TPM3: variants seen among roughly 807,000 people sequenced by gnomAD.
The protein encoded by TPM3 is tropomyosin alpha-3 chain.
Under a neutral mutation model 43.1 loss-of-function variants are expected in TPM3, and 16 were observed. The observed-to-expected ratio is 0.37, with a 90% CI of 0.25 to 0.56. The LOEUF (loss-of-function observed/expected upper bound fraction) is 0.56. TPM3 is among the 20% of genes least tolerant of loss of function. TPM3 has a pLI of 0.77. For synonymous variants in TPM3, 101 were observed against 116.9 expected (o/e 0.86, Z 0.88); for missense variants, 176 against 337.2 (o/e 0.52, Z 3.74).
intron 2 of TPM3, among the ~76,000 whole-genome samples, chr1:154,182,421 G>A (rs971029067): frequency 6.6e-6 from 1 of 152,208 alleles, no homozygotes; most frequent in Non-Finnish European, 1.5e-5. Context: ...GGAGGGCACC[G>A]CGCTTCCTCT....
At chr1:154,155,620 T>C (rs531973259), downstream of TPM3, 29 of 234,862 alleles carry the variant, frequency 1.2e-4, no homozygotes, top group Middle Eastern at 1.3e-3. Flanking sequence ...TCTAAGCAAA[T>C]ACTCTTGAGA....
At chr1:154,155,963 C>G (rs1659764719), downstream of TPM3, 1 of 186,544 alleles carries the variant, frequency 5.4e-6, no homozygotes, top group East Asian at 8.7e-5. Flanking sequence ...GGTGCGGTGG[C>G]TCACGCCCGT....
At chr1:154,189,798 CAAAAAA>C (rs1167349462) in intron 2 of TPM3, among the ~76,000 whole-genome samples, 1 of 43,840 alleles carries the variant, frequency 2.3e-5, no homozygotes, top group Non-Finnish European at 5.2e-5. Flanking sequence ...AACCCTGTCT[CAAAAAA>C]AAAAAAAAAA....
At chr1:154,157,619 C>A, downstream of TPM3, 1 of 775,518 alleles carries the variant, frequency 1.3e-6, no homozygotes. Context: ...GGAGCAGCAG[C>A]AGGGTGGGAC....
intron 2 of TPM3, among the ~76,000 whole-genome samples, chr1:154,182,410 G>C (rs1167392902): frequency 1.3e-5 from 2 of 152,230 alleles, no homozygotes; most frequent in African/African-American, 4.8e-5. Context: ...CCTCCAGGGA[G>C]GGAGGGCACC....
At chr1:154,169,460 T>C in intron 8 of TPM3, 77 bp from the exon 9 acceptor site, 4 of 1,440,722 alleles carry the variant, frequency 2.8e-6, no homozygotes, top group Non-Finnish European at 3.9e-6. Flanking sequence ...AGAGAGGGAA[T>C]CATTAGAAAT....
rs1198590032 is a variant in TPM3 at position 154,170,387 on chromosome 1, C to A, written c.775+13G>T. On this transcript the variant is annotated intron_variant, in intron 8 of 9. Coordinates refer to ENST00000651641, the MANE Select transcript of TPM3 (RefSeq NM_152263.4). ...ATATTTCTCTATTTCAATCCCTACT[C>A]CAGGTTCCATACCTTCCAGGTCATC... is the stretch of plus-strand genomic sequence containing the variant. 3 of 1,613,886 alleles carry A rather than the reference C, an allele frequency of 1.9e-6. No individual in the cohort carries two copies. The African/African-American group carries it at 4.0e-5, about 22-fold the overall frequency.
downstream of TPM3, among the ~76,000 whole-genome samples, chr1:154,160,985 C>A (rs189158152): frequency 4.1e-4 from 62 of 152,102 alleles, no homozygotes; most frequent in African/African-American, 1.5e-3. Flanking sequence ...TCATAGTGCA[C>A]AACAGCCCTG....
In TPM3 at chr1:154,169,402, C is replaced by G. The variant is rs1446312132; in HGVS notation, c.776-19G>C. ...AGCTCATCTGGACAGGCACAGGAAC[C>G]ACAGGGAGGAATGAGGGGACAGAGT... is the stretch of plus-strand genomic sequence containing the variant. On this transcript the variant is annotated intron_variant, in intron 8 of 9. Transcript: ENST00000651641. The G allele has an allele frequency of 6.2e-7, 1 of 1,613,818 alleles. No individual in the cohort carries two copies. Among genetic ancestry groups the G allele is most frequent in the South Asian group, 1.1e-5 (1 of 91,080 alleles).
intron 2 of TPM3, among the ~76,000 whole-genome samples, chr1:154,178,400 T>C (rs968764809): frequency 1.3e-5 from 2 of 152,204 alleles, no homozygotes; most frequent in African/African-American, 4.8e-5. Flanking sequence ...GAACCTGAGA[T>C]GGGAGTCCTA....
rs991021337 is a variant in TPM3 at position 154,191,027 on chromosome 1, T to A, written c.243+159A>T. ...TCTTTAAGAAAGAAAATACATGCCA[T>A]TATGAGAATATACCAGCATGTGGTT... On this transcript the variant is annotated intron_variant, in intron 2 of 9. Transcript: ENST00000651641. Among the ~76,000 whole-genome samples the A allele has an allele frequency of 1.4e-4, 21 of 152,216 alleles. No individual in the cohort carries two copies. In the South Asian group the frequency reaches 1.4e-3, roughly 11 times the overall value.
downstream of TPM3, chr1:154,159,112 G>C (rs1029872903): frequency 1.2e-5 from 9 of 768,720 alleles, no homozygotes; most frequent in African/African-American, 1.4e-4. Flanking sequence ...AGGAGAAAGA[G>C]AAAAAGGGAA....
rs944995497 is a variant in TPM3 at position 154,162,543 on chromosome 1, AC to A, written c.*5393del. Among the ~76,000 whole-genome samples, 2 of 152,130 alleles carry A rather than the reference AC, an allele frequency of 1.3e-5. No homozygotes were observed. The highest frequency in any genetic ancestry group is 4.8e-5 in the African/African-American group (2 of 41,416). On this transcript the variant is annotated 3_prime_UTR_variant, in exon 10 of 10. Coordinates refer to ENST00000651641, the MANE Select transcript of TPM3 (RefSeq NM_152263.4). Reference sequence around the variant, plus strand: ...TGTACCTATCAGATAACTTGGGGTTACTACATCTTATTCCTTATCTCAATGA... The same window carrying A: ...TGTACCTATCAGATAACTTGGGGTTATACATCTTATTCCTTATCTCAATGA...
At chr1:154,178,198 C>T in intron 2 of TPM3, 2 of 985,432 alleles carry the variant, frequency 2.0e-6, no homozygotes, top group Middle Eastern at 1.0e-3. Context: ...GTTACCCAAA[C>T]TGGAGTAGAA....
In TPM3 at chr1:154,183,292, C is replaced by T. The variant is rs1571443412; in HGVS notation, c.244-7044G>A. The T allele has an allele frequency of 3.3e-6, 5 of 1,503,614 alleles. No individual in the cohort carries two copies. In the East Asian group the frequency reaches 9.9e-5, roughly 30 times the overall value. The allele number at this position is 1,503,614 out of a possible 1,614,324, so 93.1% of individuals were successfully genotyped here. On this transcript the variant is annotated intron_variant, in intron 2 of 9. Transcript: ENST00000651641. ...TCCCACCGCCAGGCAGGCGGGAAGG[C>T]AGTCCACTGGAGGGAGAGCCGCGGC...
intron 2 of TPM3, among the ~76,000 whole-genome samples, chr1:154,179,531 T>TA (rs1460079213): frequency 1.3e-5 from 2 of 152,128 alleles, no homozygotes; most frequent in Non-Finnish European, 2.9e-5. Flanking sequence ...TTTTTGTTAT[T>TA]ACTTTTTTTT....
chr1:154,170,538 C>G, intron 7 of TPM3, 69 bp from the exon 8 acceptor site: 1 of 1,601,146 alleles, frequency 6.2e-7, no homozygotes, highest in South Asian at 1.1e-5. Flanking sequence ...ATTTCTTCCA[C>G]CTTCTACTTC....
chr1:154,169,934 T>C (rs1465662355), intron 8 of TPM3: 1 of 243,662 alleles, frequency 4.1e-6, no homozygotes, highest in Admixed American at 5.2e-5. Flanking sequence ...CAGAAAGTAT[T>C]TAGAAAGCTC....
intron 2 of TPM3, among the ~76,000 whole-genome samples, chr1:154,179,188 T>C (rs1322389677): frequency 6.6e-6 from 1 of 152,222 alleles, no homozygotes; most frequent in Admixed American, 6.5e-5. Context: ...TGCTCACAAA[T>C]GCATTACCCA....
Sources: gnomAD v4.1 joint callset for allele counts (sites outside exome capture counted in the v4.1 genomes callset) on GRCh38, gnomAD v4.1.1 for gene constraint, MANE v1.5 for transcripts, NCBI Gene and HGNC (gene_info 2026-07-23, HGNC 2026-07-21) for gene names.